Variants in TNRC6B observed in about 807,000 individuals in gnomAD.
TNRC6B encodes the protein trinucleotide repeat containing adaptor 6B.
A neutral mutation model predicts 203.6 loss-of-function variants in TNRC6B; 52 were observed. The ratio of observed to expected loss-of-function variants is 0.26; its 90% CI spans 0.20 to 0.32. TNRC6B has a LOEUF of 0.32. TNRC6B is among the 10% of genes least tolerant of loss of function. The pLI is 1.00. For synonymous variants in TNRC6B, 838 were observed against 845.7 expected (o/e 0.99, Z 0.16); for missense variants, 1,923 against 2,286.2 (o/e 0.84, Z 3.24).
At chr22:40,241,683 A>G (rs1276901234) in intron 1 of TNRC6B, among the ~76,000 whole-genome samples, 1 of 152,240 alleles carries the variant, frequency 6.6e-6, no homozygotes, top group Non-Finnish European at 1.5e-5. Context: ...TACTTGATTA[A>G]GGTGGTATCT....
chr22:40,331,970 C>T lies in TNRC6B; in HGVS notation c.*8729C>T, dbSNP rs1329584069. The T allele has an allele frequency of 2.9e-5, 7 of 241,794 alleles. No individual in the cohort carries two copies. The highest frequency in any genetic ancestry group is 5.6e-5 in the Admixed American group (1 of 17,766). The allele number at this position is 241,794 out of a possible 1,614,324, so 15.0% of individuals were successfully genotyped here. ...CCAGGGGGCCTGCAGTTCCTGTCAA[C>T]CAATGTGGTTCAGGATTCTTGATCC... On this transcript the variant is annotated 3_prime_UTR_variant, in exon 23 of 23. Transcript: ENST00000454349.
intron 15 of TNRC6B, among the ~76,000 whole-genome samples, chr22:40,301,909 A>G (rs1303697804): frequency 1.3e-5 from 2 of 152,016 alleles, no homozygotes; most frequent in Non-Finnish European, 1.5e-5. Context: ...AATTTTTAAA[A>G]CCCTATTTAA....
intron 7 of TNRC6B, among the ~76,000 whole-genome samples, chr22:40,276,648 T>C (rs931874208): frequency 7.9e-5 from 12 of 152,222 alleles, no homozygotes; most frequent in East Asian, 3.9e-4. Context: ...GAGTTCCTTA[T>C]AATGCCCAGT....
At chr22:40,208,734 A>G (rs1172652227) in intron 1 of TNRC6B, among the ~76,000 whole-genome samples, 1 of 152,242 alleles carries the variant, frequency 6.6e-6, no homozygotes, top group African/African-American at 2.4e-5. Context: ...ATATGTAATA[A>G]AAATTTTTCT....
At chr22:40,305,171 G>A (rs2071074146) in intron 15 of TNRC6B, among the ~76,000 whole-genome samples, 1 of 152,162 alleles carries the variant, frequency 6.6e-6, no homozygotes, top group Non-Finnish European at 1.5e-5. Flanking sequence ...AGACGCATGA[G>A]GCAGGCAAAG....
intron 3 of TNRC6B, among the ~76,000 whole-genome samples, chr22:40,127,373 T>C (rs2068502581): frequency 6.6e-6 from 1 of 152,072 alleles, no homozygotes; most frequent in South Asian, 2.1e-4. Context: ...AGCAGAAGCA[T>C]ATAGGTTTTC....
At chr22:40,123,347 C>T (rs1009670983) in intron 2 of TNRC6B, among the ~76,000 whole-genome samples, 10 of 151,972 alleles carry the variant, frequency 6.6e-5, no homozygotes, top group African/African-American at 1.9e-4. Flanking sequence ...GCAAGTCAAG[C>T]TAGAAAGAGA....
At chr22:40,130,779 TAAAAAAAAAAAAAA>T in intron 3 of TNRC6B, among the ~76,000 whole-genome samples, 1 of 65,042 alleles carries the variant, frequency 1.5e-5, no homozygotes, top group South Asian at 5.5e-4. Flanking sequence ...AGACTCCGTC[TAAAAAAAAAAAAAA>T]AAAAAAAAAA....
intron 1 of TNRC6B, chr22:40,106,670 A>G (rs2068286310): frequency 1.3e-6 from 1 of 754,306 alleles, no homozygotes; most frequent in Non-Finnish European, 2.4e-6. Flanking sequence ...AATCCTCAGC[A>G]TGTTAATTGA....
chr22:40,263,925 A>G (rs2094185934), intron 4 of TNRC6B, among the ~76,000 whole-genome samples: 1 of 152,218 alleles, frequency 6.6e-6, no homozygotes, highest in East Asian at 1.9e-4. Flanking sequence ...AGACGCTAAC[A>G]TGGGGAAGGA....
intron 5 of TNRC6B, among the ~76,000 whole-genome samples, chr22:40,269,345 G>C (rs1480398655): frequency 6.6e-6 from 1 of 151,696 alleles, no homozygotes; most frequent in Non-Finnish European, 1.5e-5. Flanking sequence ...TGTGGGTCTG[G>C]CTAGTCTTGA....
intron 1 of TNRC6B, among the ~76,000 whole-genome samples, chr22:40,067,301 C>T (rs1300322438): frequency 6.6e-6 from 1 of 152,084 alleles, no homozygotes; most frequent in African/African-American, 2.4e-5. Flanking sequence ...ATGTTGAATT[C>T]CAGTAGCATG....
intron 3 of TNRC6B, among the ~76,000 whole-genome samples, chr22:40,131,268 G>C (rs1423916834): frequency 6.6e-6 from 1 of 152,130 alleles, no homozygotes; most frequent in Non-Finnish European, 1.5e-5. Flanking sequence ...TCCTCTTGAA[G>C]AGTGCTCTCT....
At chr22:40,125,858 C>G in exon 3 of TNRC6B, 1 of 1,611,774 alleles carries the variant, frequency 6.2e-7, no homozygotes, top group Non-Finnish European at 8.5e-7. Context: ...GAAAGCAGTT[C>G]CAAGGTCAGT....
chr22:40,061,517 C>T (rs1224916766), intron 1 of TNRC6B, among the ~76,000 whole-genome samples: 6 of 152,072 alleles, frequency 3.9e-5, no homozygotes, highest in Non-Finnish European at 1.5e-5. Flanking sequence ...GCCACTGTGC[C>T]TGGCCTGGAT....
chr22:40,197,663 T>C (rs1222759261), intron 1 of TNRC6B, among the ~76,000 whole-genome samples: 3 of 150,036 alleles, frequency 2.0e-5, no homozygotes, highest in African/African-American at 7.4e-5. Context: ...AGTGCAGTGG[T>C]GCGATTCATA....
chr22:40,270,206 A>G lies in TNRC6B; in HGVS notation c.2891A>G (p.Glu964Gly). 1 of 1,559,304 alleles carries G rather than the reference A, an allele frequency of 6.4e-7. No individual in the cohort carries two copies. Among genetic ancestry groups the G allele is most frequent in the South Asian group, 1.2e-5 (1 of 84,358 alleles). ...EPNESSPGWG[E>G]MDDTGASTTG... is the part of the protein sequence containing the mutation. ...AATGAAAGCAGTCCTGGGTGGGGCG[A>G]GATGGATGATACAGGAGCATCGACC... Residue 964 changes from glutamate (E) to glycine (G), a missense_variant, in exon 6 of 23, where the codon GAG (glutamate) becomes GGG (glycine). Glu to Gly is a moderately conservative substitution (Grantham distance 98). Around this residue, in one of 8 missense-constraint regions of TNRC6B, gnomAD observed 599 missense variants for 656.5 expected, o/e 0.91. Coordinates refer to ENST00000454349, the MANE Select transcript of TNRC6B (RefSeq NM_001162501.2).
intron 1 of TNRC6B, among the ~76,000 whole-genome samples, chr22:40,190,219 A>G (rs1336204828): frequency 6.6e-6 from 1 of 152,232 alleles, no homozygotes; most frequent in Non-Finnish European, 1.5e-5. Flanking sequence ...CTTTTAAAAA[A>G]TTACTTTGTT....
chr22:40,203,875 C>T (rs8137796), intron 1 of TNRC6B, among the ~76,000 whole-genome samples: 102,554 of 152,122 alleles, frequency 0.67, 36,174 homozygotes, highest in African/African-American at 0.89. Context: ...GGAGGGTGTC[C>T]AGCATCGGCG....
Sources: allele counts gnomAD v4.1 joint callset (sites outside exome capture counted in the v4.1 genomes callset), GRCh38; gene constraint gnomAD v4.1.1; regional missense constraint gnomAD v4.1.1; transcripts MANE v1.5; gene names NCBI Gene and HGNC (gene_info 2026-07-23, HGNC 2026-07-21).